Variants in MAGI1 observed in about 807,000 individuals in gnomAD.
MAGI1 encodes the protein membrane-associated guanylate kinase, WW and PDZ domain-containing protein 1.
Under a neutral mutation model 139.9 loss-of-function variants are expected in MAGI1, and 58 were observed. The observed-to-expected ratio is 0.41, with a 90% CI of 0.34 to 0.52. The LOEUF (loss-of-function observed/expected upper bound fraction) is 0.52, where lower values mean the gene tolerates loss of function less well. Ranked by LOEUF, MAGI1 falls within the 20% of genes least tolerant of loss-of-function variation. The pLI is 0.12. For missense variants in MAGI1, 1,874 were observed against 1,901.6 expected, an observed-to-expected ratio of 0.99 and a Z score of 0.27; for synonymous variants, 812 against 737.9, an observed-to-expected ratio of 1.10 and a Z score of -1.63.
At chr3:65,369,101 T>C (rs1941730528) in intron 18 of MAGI1, among the ~76,000 whole-genome samples, 1 of 152,146 alleles carries the variant, frequency 6.6e-6, no homozygotes, top group South Asian at 2.1e-4. Flanking sequence ...CCCTTGCCCA[T>C]ATCTCACAGG....
chr3:65,441,303 G>A (rs765694818), intron 8 of MAGI1, among the ~76,000 whole-genome samples: 5 of 152,034 alleles, frequency 3.3e-5, no homozygotes, highest in Non-Finnish European at 7.4e-5. Context: ...AGAAATTTAG[G>A]AGCATAGTAT....
At position 65,926,364 on chromosome 3, in the gene MAGI1, T is replaced by TCTCTCC. The variant is rs1167507638; in HGVS notation, c.313+111626_313+111631dup. ...CTCTCTCTCTCTCTCTCTCTCTCTC[T>TCTCTCC]CTCTCCCTCTTTCCCTCCCTACACC... On this transcript the variant is annotated intron_variant, in intron 1 of 22. Transcript: ENST00000402939. 2.0e-5 allele frequency among the ~76,000 whole-genome samples: 3 copies of TCTCTCC among 150,614 alleles called. No homozygotes were observed. In the East Asian group the frequency reaches 5.9e-4, roughly 30 times the overall value.
At chr3:65,537,656 G>T (rs1367380217) in intron 2 of MAGI1, among the ~76,000 whole-genome samples, 1 of 152,036 alleles carries the variant, frequency 6.6e-6, no homozygotes, top group Non-Finnish European at 1.5e-5. Context: ...ATCATTGCTG[G>T]ATTAAAAATG....
At chr3:65,903,513 C>G (rs1410537383) in intron 1 of MAGI1, among the ~76,000 whole-genome samples, 4 of 152,118 alleles carry the variant, frequency 2.6e-5, no homozygotes, top group Non-Finnish European at 5.9e-5. Context: ...ATGAAATGTT[C>G]TTATCAAATG....
intron 2 of MAGI1, among the ~76,000 whole-genome samples, chr3:65,496,178 A>T (rs1027259868): frequency 2.7e-5 from 4 of 150,832 alleles, no homozygotes; most frequent in Non-Finnish European, 5.9e-5. Flanking sequence ...AGTAGTTAGG[A>T]CTACAGGCAC....
chr3:65,410,475 G>C (rs538214605), intron 12 of MAGI1, among the ~76,000 whole-genome samples: 2 of 152,276 alleles, frequency 1.3e-5, no homozygotes, highest in South Asian at 4.1e-4. Context: ...TCATTCAAAG[G>C]TTCCTTAATT....
At position 65,437,334 on chromosome 3, in the gene MAGI1, A is replaced by C. The variant is rs561345194; in HGVS notation, c.1271-87T>G. 23 of 792,840 alleles carry C rather than the reference A, an allele frequency of 2.9e-5. No individual in the cohort carries two copies. The East Asian group carries it at 6.0e-4, about 21-fold the overall frequency. The allele number at this position is 792,840 out of a possible 1,614,324, so 49.1% of individuals were successfully genotyped here. A position where few individuals can be genotyped will look rare whatever the true frequency, so the allele number is the denominator to read the frequency against. ...ATTCACCTTATTATTAATAATACTC[A>C]AGGCAATAAACCAAGGGCAGATAGC... is the stretch of plus-strand genomic sequence containing the variant. On this transcript the variant is annotated intron_variant, in intron 9 of 22. Coordinates refer to ENST00000402939, the MANE Select transcript of MAGI1 (RefSeq NM_001033057.2).
At chr3:66,017,502 C>A (rs1439255196) in intron 1 of MAGI1, among the ~76,000 whole-genome samples, 1 of 152,240 alleles carries the variant, frequency 6.6e-6, no homozygotes, top group East Asian at 1.9e-4. Flanking sequence ...TGTCACCAGG[C>A]AACAATGCAG....
In MAGI1 at chr3:65,478,728, C is replaced by A. The variant is rs1176439830; in HGVS notation, c.621G>T (p.Leu207Phe). The change falls in exon 4 of 23, where the codon TTG becomes TTT. Residue 207 changes from leucine (L) to phenylalanine (F), a missense_variant. Physicochemically the swap from Leu to Phe is conservative, Grantham distance 22 (BLOSUM62 0). Transcript: ENST00000402939. ...GCTTAGAGCCAGACTGAAGGCTGTGCAAGGCATCCGTCGTGATCACTTTCC... is the reference window on the plus strand; with the variant it reads ...GCTTAGAGCCAGACTGAAGGCTGTGAAAGGCATCCGTCGTGATCACTTTCC... ...VSGKVITTDA[L>F]HSLQSGSKQS... 3 of 1,614,072 alleles carry A rather than the reference C, an allele frequency of 1.9e-6. No homozygotes were observed. Among genetic ancestry groups the A allele is most frequent in the Non-Finnish European group, 2.5e-6 (3 of 1,179,990 alleles).
intron 2 of MAGI1, among the ~76,000 whole-genome samples, chr3:65,522,592 ACT>A (rs2078212202): frequency 6.6e-6 from 1 of 152,028 alleles, no homozygotes; most frequent in South Asian, 2.1e-4. Context: ...AGCTTCCCAA[ACT>A]CTACACAGTA....
intron 1 of MAGI1, among the ~76,000 whole-genome samples, chr3:65,917,556 T>C (rs993620236): frequency 6.6e-6 from 1 of 152,118 alleles, no homozygotes; most frequent in African/African-American, 2.4e-5. Flanking sequence ...AGTAAATGAA[T>C]GGATAAAAGA....
At chr3:65,765,864 CAA>C (rs5849692) in intron 1 of MAGI1, among the ~76,000 whole-genome samples, 22,028 of 152,104 alleles carry the variant, frequency 0.14, 2,159 homozygotes, top group South Asian at 0.38. Context: ...TCTTCCTATA[CAA>C]AAGTCACTTT....
chr3:65,528,424 T>C (rs955361140), intron 2 of MAGI1, among the ~76,000 whole-genome samples: 1 of 152,194 alleles, frequency 6.6e-6, no homozygotes, highest in African/African-American at 2.4e-5. Flanking sequence ...GGACAGGGAC[T>C]AGGGCCTAAA....
chr3:65,871,458 A>G (rs1166003157), intron 1 of MAGI1, among the ~76,000 whole-genome samples: 2 of 152,198 alleles, frequency 1.3e-5, no homozygotes, highest in Non-Finnish European at 2.9e-5. Context: ...CACAACACTG[A>G]GAAAAGCAAA....
intron 1 of MAGI1, among the ~76,000 whole-genome samples, chr3:65,894,791 A>C (rs1402197095): frequency 1.3e-5 from 2 of 152,212 alleles, no homozygotes; most frequent in Non-Finnish European, 2.9e-5. Context: ...ATCACCATCA[A>C]CTGCTTTTGA....
chr3:65,542,794 A>G (rs1433025151), intron 2 of MAGI1, among the ~76,000 whole-genome samples: 1 of 152,238 alleles, frequency 6.6e-6, no homozygotes, highest in Admixed American at 6.5e-5. Context: ...AAAACCATAA[A>G]ACCATAGAAG....
intron 1 of MAGI1, among the ~76,000 whole-genome samples, chr3:65,913,069 C>T (rs369050463): frequency 3.9e-5 from 6 of 152,064 alleles, no homozygotes; most frequent in African/African-American, 7.2e-5. Context: ...GTCAGGAGTT[C>T]GAGACCAGCC....
chr3:65,659,162 C>A (rs1202418551), intron 1 of MAGI1, among the ~76,000 whole-genome samples: 1 of 151,950 alleles, frequency 6.6e-6, no homozygotes, highest in East Asian at 1.9e-4. Context: ...TTCTTAACCA[C>A]TGTGTTATGA....
intron 1 of MAGI1, among the ~76,000 whole-genome samples, chr3:65,773,942 C>T (rs1426440861): frequency 2.0e-5 from 3 of 151,640 alleles, no homozygotes; most frequent in Non-Finnish European, 4.4e-5. Context: ...AATTTCTTCC[C>T]GGGAACGATA....
Sources: allele counts gnomAD v4.1 joint callset (sites outside exome capture counted in the v4.1 genomes callset), GRCh38; gene constraint gnomAD v4.1.1; transcripts MANE v1.5; gene names NCBI Gene and HGNC (gene_info 2026-07-23, HGNC 2026-07-21).